BIVM: variants seen among roughly 807,000 people sequenced by gnomAD.
The protein encoded by BIVM is basic, immunoglobulin-like variable motif containing, also known as basic immunoglobulin-like variable motif-containing protein.
Under a neutral mutation model 61.4 loss-of-function variants are expected in BIVM, and 31 were observed. The ratio of observed to expected loss-of-function variants is 0.51; its 90% CI spans 0.38 to 0.68. The LOEUF (loss-of-function observed/expected upper bound fraction) is 0.68, where lower values mean the gene tolerates loss of function less well. Ranked by LOEUF, BIVM falls within the 30% of genes least tolerant of loss-of-function variation. The pLI, the probability that BIVM is intolerant of heterozygous loss-of-function variation, is 0.00. For missense variants in BIVM, 526 were observed against 596.0 expected (o/e 0.88, Z 1.22); for synonymous variants, 189 against 210.7 (o/e 0.90, Z 0.89).
At chr13:102,831,520 C>G in intron 7 of BIVM, 45 bp from the exon 8 acceptor site, 1 of 1,611,528 alleles carries the variant, frequency 6.2e-7, no homozygotes, top group Non-Finnish European at 8.5e-7. Flanking sequence ...AGCATGGACA[C>G]TGCTTTATGG....
At chr13:102,801,357 T>G (rs1394220440) in intron 1 of BIVM, 1 of 151,984 alleles carries the variant, frequency 6.6e-6, no homozygotes, top group East Asian at 1.9e-4. Flanking sequence ...CAGCCTTGCC[T>G]CCTGAGTAGC....
At position 102,831,670 on chromosome 13, in the gene BIVM, C is replaced by A. The variant is rs1272830526; in HGVS notation, c.1007C>A (p.Thr336Asn). The A allele has an allele frequency of 2.5e-6, 4 of 1,614,064 alleles. No individual in the cohort carries two copies. The highest frequency in any genetic ancestry group is 3.4e-6 in the Non-Finnish European group (4 of 1,180,030). The change falls in exon 8 of 11, where the codon ACC (threonine) becomes AAC (asparagine). Residue 336 changes from threonine (T) to asparagine (N), a missense_variant. This residue lies in a region of BIVM where 210 missense variants were observed against 233.1 expected (regional missense o/e 0.90). Coordinates refer to ENST00000257336, the MANE Select transcript of BIVM (RefSeq NM_017693.4). ...HYFCPIGFEATPVKANKAFSR... is the reference protein window; with the variant it reads ...HYFCPIGFEANPVKANKAFSR... Reference sequence around the variant, plus strand: ...TTTTGTCCAATTGGCTTCGAAGCAACCCCTGTTAAAGCTAATAAAGCATTC... The same window carrying A: ...TTTTGTCCAATTGGCTTCGAAGCAAACCCTGTTAAAGCTAATAAAGCATTC...
At chr13:102,805,097 C>T (rs1043224512) in intron 1 of BIVM, among the ~76,000 whole-genome samples, 2 of 152,184 alleles carry the variant, frequency 1.3e-5, no homozygotes, top group African/African-American at 4.8e-5. Context: ...AAAAGTCCAA[C>T]TGATCACCCA....
chr13:102,804,651 G>T (rs1878950067), intron 1 of BIVM, among the ~76,000 whole-genome samples: 1 of 151,394 alleles, frequency 6.6e-6, no homozygotes, highest in Non-Finnish European at 1.5e-5. Context: ...GTCGAGATGG[G>T]GTTTCACCAT....
chr13:102,803,242 C>T (rs1878858899), intron 1 of BIVM, among the ~76,000 whole-genome samples: 1 of 151,940 alleles, frequency 6.6e-6, no homozygotes, highest in South Asian at 2.1e-4. Flanking sequence ...GTGGCTCATT[C>T]CTATAATCCC....
At chr13:102,819,841 G>A (rs984372777) in intron 4 of BIVM, among the ~76,000 whole-genome samples, 1 of 152,120 alleles carries the variant, frequency 6.6e-6, no homozygotes, top group Non-Finnish European at 1.5e-5. Context: ...ATGCATATAT[G>A]TACACATGCA....
At chr13:102,835,323 C>T (rs1393482506) in intron 9 of BIVM, among the ~76,000 whole-genome samples, 1 of 152,026 alleles carries the variant, frequency 6.6e-6, no homozygotes, top group African/African-American at 2.4e-5. Context: ...AGAACGAGAT[C>T]CTGCCTCAAA....
intron 3 of BIVM, among the ~76,000 whole-genome samples, chr13:102,810,996 G>A (rs1278282407): frequency 6.6e-6 from 1 of 152,214 alleles, no homozygotes; most frequent in African/African-American, 2.4e-5. Flanking sequence ...CTTCCAAAGT[G>A]CTGGGAATAC....
chr13:102,810,898 T>A (rs1879450584), intron 3 of BIVM, among the ~76,000 whole-genome samples: 1 of 152,068 alleles, frequency 6.6e-6, no homozygotes, highest in Non-Finnish European at 1.5e-5. Context: ...CTGGCTAATT[T>A]TTAATATTTT....
intron 1 of BIVM, among the ~76,000 whole-genome samples, 160 bp from the exon 2 acceptor site, chr13:102,805,147 G>C (rs145132398): frequency 0.017 from 2,515 of 152,300 alleles, 29 homozygotes; most frequent in Non-Finnish European, 0.027. Context: ...TGTTGCTGGA[G>C]CCCTGAGAAA....
intron 9 of BIVM, among the ~76,000 whole-genome samples, chr13:102,835,215 C>CA (rs1881380114): frequency 6.6e-6 from 1 of 151,592 alleles, no homozygotes; most frequent in East Asian, 1.9e-4. Context: ...CCTGTCTCTA[C>CA]AAAAAAATTA....
chr13:102,831,466 A>T (rs1881062970), intron 7 of BIVM, 99 bp from the exon 8 acceptor site: 14 of 1,518,040 alleles, frequency 9.2e-6, no homozygotes, highest in African/African-American at 1.4e-5. Context: ...TATTCCAAGT[A>T]ATGTCTTTTC....
intron 6 of BIVM, 108 bp from the exon 7 acceptor site, chr13:102,821,957 C>T (rs749444367): frequency 3.3e-6 from 5 of 1,528,048 alleles, no homozygotes; most frequent in African/African-American, 1.4e-5. Flanking sequence ...GCTTCAACCT[C>T]TCATAGGTAT....
intron 9 of BIVM, among the ~76,000 whole-genome samples, chr13:102,835,242 G>T (rs1259778390): frequency 6.6e-6 from 1 of 151,902 alleles, no homozygotes; most frequent in East Asian, 1.9e-4. Flanking sequence ...GAGGCAAGAG[G>T]ATTGCTTGAG....
At position 102,821,073 on chromosome 13, in the gene BIVM, T is replaced by C. The variant is rs1880242270; in HGVS notation, c.642T>C (p.Cys214=). The C allele has an allele frequency of 1.2e-6, 2 of 1,613,520 alleles. No individual in the cohort carries two copies. Among genetic ancestry groups the C allele is most frequent in the African/African-American group, 2.7e-5 (2 of 74,900 alleles). Residue 214 remains cysteine (C), a synonymous_variant, in exon 5 of 11, where the codon TGT becomes TGC. Coordinates refer to ENST00000257336, the MANE Select transcript of BIVM (RefSeq NM_017693.4). ...GCCGACCACAGTATAAGACTTCTTG[T>C]GGCATCTCTTCATTAATTTCTTGTT... ...CISRPQYKTS[C]GISSLISCWN...
intron 7 of BIVM, 126 bp downstream of exon 7, chr13:102,822,285 T>A (rs988893804): frequency 1.9e-5 from 16 of 835,892 alleles, no homozygotes; most frequent in Non-Finnish European, 2.9e-5. Flanking sequence ...ATGTAAACCC[T>A]CAGCACAGTC....
chr13:102,826,520 A>G (rs538237175), intron 7 of BIVM, among the ~76,000 whole-genome samples: 1 of 152,154 alleles, frequency 6.6e-6, no homozygotes, highest in Non-Finnish European at 1.5e-5. Flanking sequence ...GGGTGGCTTT[A>G]TATCTCTTTT....
chr13:102,826,876 G>T (rs1173452320), intron 7 of BIVM, among the ~76,000 whole-genome samples: 1 of 152,056 alleles, frequency 6.6e-6, no homozygotes, highest in Non-Finnish European at 1.5e-5. Flanking sequence ...AGAGAAATTA[G>T]AATAAGAGAG....
chr13:102,813,428 A>G (rs1343172635), intron 3 of BIVM, among the ~76,000 whole-genome samples: 1 of 152,044 alleles, frequency 6.6e-6, no homozygotes, highest in African/African-American at 2.4e-5. Context: ...TAGTTCTAGA[A>G]TTTACATTTT....
Sources: gnomAD v4.1 joint callset for allele counts (sites outside exome capture counted in the v4.1 genomes callset) on GRCh38, gnomAD v4.1.1 for gene constraint, gnomAD v4.1.1 regional missense constraint, MANE v1.5 for transcripts, NCBI Gene and HGNC (gene_info 2026-07-23, HGNC 2026-07-21) for gene names.